The following CAB39 variants were observed in gnomAD, a reference collection of about 807,000 sequenced individuals.
The protein encoded by CAB39 is calcium binding protein 39, also known as calcium-binding protein 39.
A neutral mutation model predicts 40.0 loss-of-function variants in CAB39; 8 were observed. The ratio of observed to expected loss-of-function variants is 0.20; its 90% CI spans 0.12 to 0.36. The LOEUF is 0.36. Among genes scored for constraint, CAB39 ranks in the 10% least tolerant of loss-of-function variants. The pLI, the probability that CAB39 is intolerant of heterozygous loss-of-function variation, is 1.00. For synonymous variants in CAB39, 156 were observed against 141.6 expected, an observed-to-expected ratio of 1.10 and a Z score of -0.72; for missense variants, 270 against 401.1, an observed-to-expected ratio of 0.67 and a Z score of 2.79.
At chr2:230,723,778 A>G (rs1694500084) in intron 1 of CAB39, among the ~76,000 whole-genome samples, 1 of 152,196 alleles carries the variant, frequency 6.6e-6, no homozygotes, top group Non-Finnish European at 1.5e-5. Flanking sequence ...AAGGGTTCCC[A>G]TTATCTCAAA....
rs1321034177 is a variant in CAB39 at position 230,773,312 on chromosome 2, A to ATGTGTGTGTGTGTG, written c.114+13198_114+13199insGTGTGTGTGTGTGT. Among the ~76,000 whole-genome samples, 613 of 85,060 alleles carry ATGTGTGTGTGTGTG rather than the reference A, an allele frequency of 7.2e-3. 3 individuals are homozygous for ATGTGTGTGTGTGTG. Among genetic ancestry groups the ATGTGTGTGTGTGTG allele is most frequent in the Non-Finnish European group, 9.6e-3 (416 of 43,288 alleles). The allele number at this position is 85,060 out of a possible 152,430, so 55.8% of individuals were successfully genotyped here. A position where few individuals can be genotyped will look rare whatever the true frequency, so the allele number is the denominator to read the frequency against. On this transcript the variant is annotated intron_variant, in intron 2 of 8. Transcript: ENST00000258418. ...TGGGTGTATGTGTATATATATATATATATGTGTGTGTGTGTGTGTGTGTGT... is the reference window on the plus strand; with the variant it reads ...TGGGTGTATGTGTATATATATATATATGTGTGTGTGTGTGTATGTGTGTGTGTGTGTGTGTGTGT...
intron 5 of CAB39, 104 bp from the exon 6 acceptor site, chr2:230,810,159 A>G: frequency 1.7e-6 from 1 of 592,256 alleles, no homozygotes; most frequent in Non-Finnish European, 3.0e-6. Context: ...AAGTATGGTG[A>G]TTTTTAACAA....
chr2:230,797,742 A>G (rs1322912882), intron 4 of CAB39, among the ~76,000 whole-genome samples: 1 of 151,756 alleles, frequency 6.6e-6, no homozygotes, highest in Non-Finnish European at 1.5e-5. Flanking sequence ...TCAGCCAGGC[A>G]AGAAATGGGA....
intron 2 of CAB39, among the ~76,000 whole-genome samples, chr2:230,783,338 T>C (rs936692157): frequency 6.6e-6 from 1 of 152,238 alleles, no homozygotes; most frequent in Non-Finnish European, 1.5e-5. Flanking sequence ...GACATCTGCT[T>C]GTAATTCTTT....
At chr2:230,801,482 A>G (rs1696088548) in intron 5 of CAB39, among the ~76,000 whole-genome samples, 1 of 152,192 alleles carries the variant, frequency 6.6e-6, no homozygotes, top group Non-Finnish European at 1.5e-5. Flanking sequence ...ATGTGGCAAG[A>G]GCGCCCTCCC....
intron 1 of CAB39, among the ~76,000 whole-genome samples, chr2:230,756,841 C>T (rs1357432000): frequency 6.6e-6 from 1 of 152,096 alleles, no homozygotes; most frequent in East Asian, 1.9e-4. Flanking sequence ...TACAGGCACA[C>T]GCCACCACGC....
chr2:230,736,957 C>T (rs1694798079), intron 1 of CAB39, among the ~76,000 whole-genome samples: 1 of 152,108 alleles, frequency 6.6e-6, no homozygotes. Flanking sequence ...GTTAGAGTGT[C>T]TGGTAGCTGC....
At chr2:230,755,432 T>A (rs1476036362) in intron 1 of CAB39, among the ~76,000 whole-genome samples, 1 of 152,226 alleles carries the variant, frequency 6.6e-6, no homozygotes, top group Non-Finnish European at 1.5e-5. Context: ...TGGCCATTTA[T>A]ATATCTTCTT....
chr2:230,790,886 T>G lies in CAB39; in HGVS notation c.129T>G (p.Val43=). 6.2e-7 allele frequency: 1 copy of G among 1,602,244 alleles called. No homozygotes were observed. The highest frequency in any genetic ancestry group is 8.5e-7 in the Non-Finnish European group (1 of 1,176,936). Residue 43 remains valine, a synonymous_variant, in exon 3 of 9, where the codon GTT becomes GTG. Coordinates refer to ENST00000258418, the MANE Select transcript of CAB39 (RefSeq NM_016289.4). ...TCTAAAATTAGGCTACAGAAGAAGT[T>G]TCCAAAAATCTGGTTGCCATGAAAG... is the stretch of plus-strand genomic sequence containing the variant. ...DKKAEKATEE[V]SKNLVAMKEI...
rs934378646 is a variant in CAB39, at chr2:230,736,810, G to A, written c.-43-23149G>A. On this transcript the variant is annotated intron_variant, in intron 1 of 8. Coordinates refer to ENST00000258418, the MANE Select transcript of CAB39 (RefSeq NM_016289.4). ...AGTTTAAGGTATCTTAGTACAAGAC[G>A]TAAAAGACATAGTATTAGGCCAGAG... Among the ~76,000 whole-genome samples, 10 of 152,068 alleles carry A rather than the reference G, an allele frequency of 6.6e-5. No individual in the cohort carries two copies. In the South Asian group the frequency reaches 1.0e-3, roughly 16 times the overall value.
chr2:230,750,899 AC>A (rs1695074617), intron 1 of CAB39, among the ~76,000 whole-genome samples: 1 of 152,246 alleles, frequency 6.6e-6, no homozygotes. Flanking sequence ...TTGAGGCATA[AC>A]AAAGTCAGGA....
intron 5 of CAB39, among the ~76,000 whole-genome samples, chr2:230,800,113 A>G (rs976750108): frequency 6.6e-6 from 1 of 152,152 alleles, no homozygotes; most frequent in African/African-American, 2.4e-5. Context: ...GAACACTATC[A>G]CAGTGAGAAG....
At chr2:230,797,206 T>C (rs1239351877) in intron 4 of CAB39, among the ~76,000 whole-genome samples, 2 of 152,070 alleles carry the variant, frequency 1.3e-5, no homozygotes, top group Non-Finnish European at 2.9e-5. Context: ...ATCAGAAAAA[T>C]ATTTTTAAAA....
At chr2:230,734,693 C>G (rs758927027) in intron 1 of CAB39, among the ~76,000 whole-genome samples, 2 of 152,116 alleles carry the variant, frequency 1.3e-5, no homozygotes, top group Admixed American at 1.3e-4. Context: ...TCCTTTAGTC[C>G]TCATGTTAGT....
chr2:230,743,226 A>G (rs921918797), intron 1 of CAB39, among the ~76,000 whole-genome samples: 2 of 152,216 alleles, frequency 1.3e-5, no homozygotes, highest in Non-Finnish European at 2.9e-5. Context: ...CTCACTCTAT[A>G]TGACTTCCAC....
chr2:230,725,308 C>T, intron 1 of CAB39: 1 of 1,573,748 alleles, frequency 6.4e-7, no homozygotes, highest in Non-Finnish European at 8.7e-7. Context: ...CCTCCAGCTT[C>T]TTGCCCAGGA....
At chr2:230,718,864 G>C (rs765061813) in intron 1 of CAB39, among the ~76,000 whole-genome samples, 4 of 152,048 alleles carry the variant, frequency 2.6e-5, no homozygotes, top group Admixed American at 1.3e-4. Flanking sequence ...TCTTTTCTAG[G>C]GTTTTATGGC....
At chr2:230,725,153 G>A in intron 1 of CAB39, 3 of 1,613,336 alleles carry the variant, frequency 1.9e-6, no homozygotes, top group South Asian at 2.2e-5. Context: ...TCACAAGAAG[G>A]CGTCGCACCA....
rs1408052300 is a variant in CAB39 at position 230,782,809 on chromosome 2, C to CTTTTTTTTTTTTTTTTTTTTTTTTTTTT, written c.115-8060_115-8059insTTTTTTTTTTTTTTTTTTTTTTTTTTTT. On this transcript the variant is annotated intron_variant, in intron 2 of 8. Transcript: ENST00000258418. ...CTGCTGTTTCTTTCTTTCTTTCTTT[C>CTTTTTTTTTTTTTTTTTTTTTTTTTTTT]TTTCTTTTTTTTTTTTTTTTTTTGA... Among the ~76,000 whole-genome samples the CTTTTTTTTTTTTTTTTTTTTTTTTTTTT allele has an allele frequency of 1.9e-4, 21 of 112,430 alleles. 3 individuals carry two copies. Among genetic ancestry groups the CTTTTTTTTTTTTTTTTTTTTTTTTTTTT allele is most frequent in the African/African-American group, 8.1e-4 (17 of 21,042 alleles). The allele number at this position is 112,430 out of a possible 152,430, so 73.8% of individuals were successfully genotyped here.
Sources: allele counts gnomAD v4.1 joint callset (sites outside exome capture counted in the v4.1 genomes callset), GRCh38; gene constraint gnomAD v4.1.1; transcripts MANE v1.5; gene names NCBI Gene and HGNC (gene_info 2026-07-23, HGNC 2026-07-21).